CCDC85A: variants seen among roughly 807,000 people sequenced by gnomAD.
CCDC85A encodes the protein coiled-coil domain containing 85A.
Under a neutral mutation model 50.2 loss-of-function variants are expected in CCDC85A, and 38 were observed. The ratio of observed to expected loss-of-function variants is 0.76; its 90% CI spans 0.58 to 0.99. The LOEUF (loss-of-function observed/expected upper bound fraction) is 0.99, where lower values mean the gene tolerates loss of function less well. CCDC85A is among the 50% of genes least tolerant of loss of function. The pLI is 0.00. For missense variants in CCDC85A, 820 were observed against 742.0 expected, an observed-to-expected ratio of 1.11 and a Z score of -1.22; for synonymous variants, 366 against 301.4, an observed-to-expected ratio of 1.21 and a Z score of -2.22.
chr2:56,370,605 T>TA (rs1676022482), intron 3 of CCDC85A, among the ~76,000 whole-genome samples: 1 of 152,104 alleles, frequency 6.6e-6, no homozygotes, highest in Non-Finnish European at 1.5e-5. Context: ...TTATAATACT[T>TA]AAAGTATAGC....
intron 2 of CCDC85A, among the ~76,000 whole-genome samples, chr2:56,227,498 C>T (rs1443633086): frequency 6.6e-6 from 1 of 152,138 alleles, no homozygotes; most frequent in Non-Finnish European, 1.5e-5. Context: ...ACAAGTGTTC[C>T]AAGCGGGAAT....
intron 5 of CCDC85A, among the ~76,000 whole-genome samples, chr2:56,378,635 C>T (rs940676154): frequency 7.9e-5 from 12 of 152,224 alleles, no homozygotes; most frequent in Non-Finnish European, 1.6e-4. Flanking sequence ...AATGGCTAGA[C>T]GTTTCAAATT....
At chr2:56,283,455 C>T (rs1295472458) in intron 2 of CCDC85A, among the ~76,000 whole-genome samples, 1 of 152,100 alleles carries the variant, frequency 6.6e-6, no homozygotes, top group Non-Finnish European at 1.5e-5. Flanking sequence ...GAATAAATTC[C>T]ACTTGGTTAT....
At chr2:56,342,767 T>C in intron 2 of CCDC85A, 112 bp from the exon 3 acceptor site, 1 of 573,368 alleles carries the variant, frequency 1.7e-6, no homozygotes, top group Non-Finnish European at 3.0e-6. Context: ...TCATTTTAAA[T>C]AACAGACTAA....
chr2:56,224,117 T>C (rs1331129622), intron 2 of CCDC85A, among the ~76,000 whole-genome samples: 1 of 152,230 alleles, frequency 6.6e-6, no homozygotes, highest in Non-Finnish European at 1.5e-5. Flanking sequence ...TTAGTAGTTA[T>C]TTCCAATCTT....
chr2:56,377,959 T>C (rs1676417268), intron 5 of CCDC85A, among the ~76,000 whole-genome samples: 1 of 152,018 alleles, frequency 6.6e-6, no homozygotes, highest in African/African-American at 2.4e-5. Context: ...CACATAAGTG[T>C]CCTTGGTTGG....
chr2:56,293,024 A>G (rs137946388), intron 2 of CCDC85A, among the ~76,000 whole-genome samples: 38 of 152,304 alleles, frequency 2.5e-4, no homozygotes, highest in South Asian at 8.3e-4. Context: ...GAGCAGGTTT[A>G]CAGTGCAGGG....
chr2:56,309,154 TAAG>T (rs1016506876), intron 2 of CCDC85A, among the ~76,000 whole-genome samples: 9 of 152,238 alleles, frequency 5.9e-5, no homozygotes, highest in African/African-American at 2.2e-4. Flanking sequence ...AAACTTTTTA[TAAG>T]AAGGATAGCC....
chr2:56,295,662 T>C (rs1671916465), intron 2 of CCDC85A, among the ~76,000 whole-genome samples: 1 of 152,118 alleles, frequency 6.6e-6, no homozygotes, highest in African/African-American at 2.4e-5. Context: ...CTCACTATCA[T>C]TCCAGATCAT....
chr2:56,193,167 G>T lies in CCDC85A; in HGVS notation c.967G>T (p.Gly323Trp), dbSNP rs1558577085. ...GGAACACTTCCAGAAGCACCGGTCA[G>T]GGAGCAGCCCTGAACACGCCAGGCA... Reference protein sequence around the residue: ...SPEHFQKHRSGSSPEHARHSG... With the variant: ...SPEHFQKHRSWSSPEHARHSG... Residue 323 changes from glycine (G) to tryptophan (W), a missense_variant, in exon 2 of 6, where the codon GGG (glycine) becomes TGG (tryptophan). By Grantham distance (184) the Gly-to-Trp change is radical. Coordinates refer to ENST00000407595, the MANE Select transcript of CCDC85A (RefSeq NM_001080433.2). 1 of 1,613,404 alleles carries T rather than the reference G, an allele frequency of 6.2e-7. No homozygotes were observed. The highest frequency in any genetic ancestry group is 1.7e-5 in the Admixed American group (1 of 60,004).
chr2:56,277,060 C>T (rs780887908), intron 2 of CCDC85A, among the ~76,000 whole-genome samples: 7 of 152,152 alleles, frequency 4.6e-5, no homozygotes, highest in Admixed American at 1.3e-4. Flanking sequence ...TCTCTGAGGC[C>T]GCAGAGTCCT....
intron 2 of CCDC85A, among the ~76,000 whole-genome samples, chr2:56,333,120 T>C (rs1673897134): frequency 6.6e-6 from 1 of 152,142 alleles, no homozygotes; most frequent in African/African-American, 2.4e-5. Flanking sequence ...AGCTAATGTA[T>C]ATGGTAGAAG....
chr2:56,355,541 T>C (rs1211375749), intron 3 of CCDC85A, among the ~76,000 whole-genome samples: 1 of 152,204 alleles, frequency 6.6e-6, no homozygotes, highest in South Asian at 2.1e-4. Flanking sequence ...TTTCAGAATT[T>C]TTTTTCTCTT....
intron 2 of CCDC85A, among the ~76,000 whole-genome samples, chr2:56,302,138 C>T (rs1672238040): frequency 6.6e-6 from 1 of 151,934 alleles, no homozygotes; most frequent in South Asian, 2.1e-4. Context: ...CGCCTGTAAT[C>T]CCAGCTAATC....
At chr2:56,295,531 C>G (rs976438279) in intron 2 of CCDC85A, among the ~76,000 whole-genome samples, 13 of 152,284 alleles carry the variant, frequency 8.5e-5, no homozygotes, top group South Asian at 4.1e-4. Context: ...TGAAAGGATG[C>G]CACTGGAGTT....
At chr2:56,257,038 C>T (rs147898136) in intron 2 of CCDC85A, among the ~76,000 whole-genome samples, 1 of 152,274 alleles carries the variant, frequency 6.6e-6, no homozygotes, top group Non-Finnish European at 1.5e-5. Context: ...CCTTCTGATA[C>T]CATGAATGTC....
At chr2:56,370,474 C>G (rs1055088907) in intron 3 of CCDC85A, among the ~76,000 whole-genome samples, 6 of 152,040 alleles carry the variant, frequency 3.9e-5, no homozygotes, top group Non-Finnish European at 8.8e-5. Flanking sequence ...GTGCCTTTTC[C>G]TTTAAAATGG....
intron 1 of CCDC85A, 52 bp downstream of exon 1, chr2:56,184,952 C>A (rs1309216655): frequency 8.4e-6 from 12 of 1,436,200 alleles, no homozygotes; most frequent in Non-Finnish European, 1.0e-5. Flanking sequence ...CGGGGTGCCC[C>A]GAGGAGGAGG....
chr2:56,199,601 C>G (rs1235158618), intron 2 of CCDC85A, among the ~76,000 whole-genome samples: 1 of 151,712 alleles, frequency 6.6e-6, no homozygotes, highest in African/African-American at 2.4e-5. Flanking sequence ...AATAGATTTC[C>G]AATCACTTCT....
Sources: allele counts gnomAD v4.1 joint callset (sites outside exome capture counted in the v4.1 genomes callset), GRCh38; gene constraint gnomAD v4.1.1; transcripts MANE v1.5; gene names NCBI Gene and HGNC (gene_info 2026-07-23, HGNC 2026-07-21).